Variants in SYNJ1 observed in about 807,000 individuals in gnomAD.
SYNJ1 encodes the protein polyphosphatidylinositol phosphatase SYNJ1.
In SYNJ1, 78 loss-of-function variants were observed where a neutral mutation model predicts 168.2. The ratio of observed to expected loss-of-function variants is 0.46; its 90% CI spans 0.39 to 0.56. SYNJ1 has a LOEUF of 0.56. Ranked by LOEUF, SYNJ1 falls within the 20% of genes least tolerant of loss-of-function variation. The pLI, the probability that SYNJ1 is intolerant of heterozygous loss-of-function variation, is 0.00. For synonymous variants in SYNJ1, 539 were observed against 548.6 expected (o/e 0.98, Z 0.24); for missense variants, 1,303 against 1,597.6 (o/e 0.82, Z 3.14).
chr21:32,634,857 A>C lies in SYNJ1; in HGVS notation c.*3+4T>G. 1.9e-6 allele frequency: 3 copies of C among 1,613,836 alleles called. No homozygotes were observed. Among genetic ancestry groups the C allele is most frequent in the Non-Finnish European group, 2.5e-6 (3 of 1,179,924 alleles). ...ACATGTAAGATTGATAAATTGTCAG[A>C]TACCTGTTACCCTGATGGTTGCTCC... On this transcript the variant is annotated splice_donor_region_variant and intron_variant, in intron 32 of 32. Coordinates refer to ENST00000674351, the MANE Select transcript of SYNJ1 (RefSeq NM_203446.3).
chr21:32,648,785 C>T (rs1267979058), intron 23 of SYNJ1, among the ~76,000 whole-genome samples: 1 of 152,198 alleles, frequency 6.6e-6, no homozygotes, highest in Non-Finnish European at 1.5e-5. Context: ...GAGCTCTTTC[C>T]TGAGCACCAG....
chr21:32,693,664 T>C (rs944147521), intron 6 of SYNJ1, among the ~76,000 whole-genome samples: 1 of 152,208 alleles, frequency 6.6e-6, no homozygotes, highest in Non-Finnish European at 1.5e-5. Flanking sequence ...TAGTTAACCC[T>C]TACATGGTGC....
chr21:32,698,929 A>G (rs1262456838), intron 4 of SYNJ1, among the ~76,000 whole-genome samples: 1 of 152,214 alleles, frequency 6.6e-6, no homozygotes, highest in East Asian at 1.9e-4. Context: ...CAGTTTTGTT[A>G]CAATTAAATT....
At chr21:32,702,678 T>C (rs1236655319) in intron 2 of SYNJ1, among the ~76,000 whole-genome samples, 2 of 152,180 alleles carry the variant, frequency 1.3e-5, no homozygotes, top group Non-Finnish European at 2.9e-5. Flanking sequence ...AAATAATACA[T>C]CCCACAGTCT....
chr21:32,631,044 G>A lies in SYNJ1; in HGVS notation c.*761C>T, dbSNP rs111516740. On this transcript the variant is annotated 3_prime_UTR_variant, in exon 33 of 33. Transcript: ENST00000674351. Reference sequence around the variant, plus strand: ...GGGTGAAGCCTTAGAGGCCAAGGTCGTGAAAGGATCTACTGGAGGGCTGGT... The same window carrying A: ...GGGTGAAGCCTTAGAGGCCAAGGTCATGAAAGGATCTACTGGAGGGCTGGT... 446 of 1,614,100 alleles carry A rather than the reference G, an allele frequency of 2.8e-4. 6 individuals carry two copies. The African/African-American group carries it at 4.2e-3, about 15-fold the overall frequency.
At chr21:32,707,078 T>C (rs547701941) in intron 2 of SYNJ1, among the ~76,000 whole-genome samples, 1 of 152,126 alleles carries the variant, frequency 6.6e-6, no homozygotes, top group Non-Finnish European at 1.5e-5. Context: ...TCTCCCTTTT[T>C]TCATACTGTT....
chr21:32,727,822 G>A lies in SYNJ1; in HGVS notation c.-23+124C>T, dbSNP rs1032851374. On this transcript the variant is annotated intron_variant, in intron 1 of 32. Coordinates refer to ENST00000674351, the MANE Select transcript of SYNJ1 (RefSeq NM_203446.3). ...CCGTCCTCCCGCACCCCGGCTGCTCGCGGTCGCCCCTCACCGCTCCCGCTG... is the reference window on the plus strand; with the variant it reads ...CCGTCCTCCCGCACCCCGGCTGCTCACGGTCGCCCCTCACCGCTCCCGCTG... The A allele has an allele frequency of 2.1e-6, 3 of 1,462,028 alleles. No homozygotes were observed. The African/African-American group carries it at 4.4e-5, about 21-fold the overall frequency. 90.6% of individuals were successfully genotyped at this position (1,462,028 alleles called of 1,614,324 possible). A position where few individuals can be genotyped will look rare whatever the true frequency, so the allele number is the denominator to read the frequency against.
intron 2 of SYNJ1, among the ~76,000 whole-genome samples, chr21:32,720,029 C>T (rs2043164478): frequency 6.6e-6 from 1 of 152,050 alleles, no homozygotes; most frequent in Non-Finnish European, 1.5e-5. Context: ...CACCTGAGGT[C>T]AGGAGCTCAA....
chr21:32,631,374 C>T lies in SYNJ1; in HGVS notation c.*431G>A, dbSNP rs2145657162. 6.2e-6 allele frequency: 10 copies of T among 1,614,164 alleles called. No homozygotes were observed. Among genetic ancestry groups the T allele is most frequent in the Non-Finnish European group, 8.5e-6 (10 of 1,180,026 alleles). On this transcript the variant is annotated 3_prime_UTR_variant, in exon 33 of 33. Transcript: ENST00000674351. The stretch of plus-strand genomic sequence containing the variant: ...AGATGAAGCCCTGCTTTTGTTATGA[C>T]CAAGAGGCTGCAGAGAAGGGAAAGG...
rs147025577 is a variant in SYNJ1, at chr21:32,639,056, G to A, written c.3767C>T (p.Pro1256Leu). Reference protein sequence around the residue: ...AFPPQSSLPPPAQRLQEPLVP... With the variant: ...AFPPQSSLPPLAQRLQEPLVP... Reference sequence around the variant, plus strand: ...AAGAGGCTCTTGCAACCTTTGAGCAGGCGGGGGCAAAGAAGACTGCGGAGG... The same window carrying A: ...AAGAGGCTCTTGCAACCTTTGAGCAAGCGGGGGCAAAGAAGACTGCGGAGG... Residue 1256 changes from proline (P) to leucine (L), a missense_variant, in exon 31 of 33, where the codon CCT becomes CTT. By Grantham distance (98) the Pro-to-Leu change is moderately conservative. Around this residue, in one of 2 missense-constraint regions of SYNJ1, gnomAD observed 383 missense variants for 388.8 expected, o/e 0.99. Coordinates refer to ENST00000674351, the MANE Select transcript of SYNJ1 (RefSeq NM_203446.3). 2.1e-4 allele frequency: 331 copies of A among 1,613,996 alleles called. No homozygotes were observed. The highest frequency in any genetic ancestry group is 2.5e-4 in the Non-Finnish European group (294 of 1,180,004).
chr21:32,672,054 A>C (rs1306548681), intron 14 of SYNJ1, among the ~76,000 whole-genome samples: 93 of 139,840 alleles, frequency 6.7e-4, no homozygotes, highest in Non-Finnish European at 1.0e-3. Flanking sequence ...AGCTAAACTC[A>C]ATCTCAAAAA....
intron 31 of SYNJ1, among the ~76,000 whole-genome samples, chr21:32,635,098 A>C (rs897449379): frequency 1.3e-5 from 2 of 152,236 alleles, no homozygotes; most frequent in Admixed American, 1.3e-4. Context: ...GTTTTGTCTG[A>C]GGTTGATTAC....
chr21:32,666,324 G>C, intron 16 of SYNJ1, 109 bp downstream of exon 16: 1 of 1,492,058 alleles, frequency 6.7e-7, no homozygotes, highest in Non-Finnish European at 9.0e-7. Flanking sequence ...TTTAAAACAA[G>C]AACTATGGAT....
rs752244587 is a variant in SYNJ1, at chr21:32,631,124, A to G, written c.*681T>C. 1.7e-5 allele frequency: 27 copies of G among 1,614,196 alleles called. No individual in the cohort carries two copies. Among genetic ancestry groups the G allele is most frequent in the Non-Finnish European group, 2.3e-5 (27 of 1,180,024 alleles). On this transcript the variant is annotated 3_prime_UTR_variant, in exon 33 of 33. Transcript: ENST00000674351. Reference sequence around the variant, plus strand: ...GAGGAGGTCTTCTTGACGGCAACACACAGAAGGAGACATTTGTACCTTTAT... The same window carrying G: ...GAGGAGGTCTTCTTGACGGCAACACGCAGAAGGAGACATTTGTACCTTTAT...
At chr21:32,724,338 A>G (rs1183090932) in intron 2 of SYNJ1, among the ~76,000 whole-genome samples, 2 of 152,130 alleles carry the variant, frequency 1.3e-5, no homozygotes, top group African/African-American at 4.8e-5. Context: ...AAATACAAAA[A>G]TTAGCAAGGC....
intron 2 of SYNJ1, among the ~76,000 whole-genome samples, chr21:32,719,710 T>C (rs1165220386): frequency 6.9e-6 from 1 of 143,966 alleles, no homozygotes; most frequent in Non-Finnish European, 1.5e-5. Context: ...TAAAACTCCA[T>C]CTTAAAAAAA....
intron 31 of SYNJ1, among the ~76,000 whole-genome samples, chr21:32,637,648 T>G (rs2039638807): frequency 2.0e-5 from 3 of 152,170 alleles, no homozygotes; most frequent in Admixed American, 2.0e-4. Context: ...ATTCCTGACC[T>G]CAGGCGATCG....
At chr21:32,659,945 T>C (rs2833937) in intron 18 of SYNJ1, among the ~76,000 whole-genome samples, 68,353 of 152,016 alleles carry the variant, frequency 0.45, 16,001 homozygotes, top group Admixed American at 0.52. Context: ...GCTTGAGCAA[T>C]GCGGATCCTG....
chr21:32,728,170 C>T, upstream of SYNJ1: 8 of 1,158,276 alleles, frequency 6.9e-6, no homozygotes, highest in Non-Finnish European at 9.3e-6. Context: ...CCTCAGTCTC[C>T]AGCTACCTTT....
Sources: allele counts gnomAD v4.1 joint callset (sites outside exome capture counted in the v4.1 genomes callset), GRCh38; gene constraint gnomAD v4.1.1; regional missense constraint gnomAD v4.1.1; transcripts MANE v1.5; gene names NCBI Gene and HGNC (gene_info 2026-07-23, HGNC 2026-07-21).